The following BCAT1 variants were observed in gnomAD, a reference collection of about 807,000 sequenced individuals.
BCAT1 encodes the protein branched-chain-amino-acid aminotransferase, cytosolic.
BCAT1 carries 48 observed loss-of-function variants against 52.4 expected under a neutral mutation model. That is an observed-to-expected ratio of 0.92 (90% CI 0.73 to 1.16). BCAT1 has a LOEUF of 1.16. Among genes scored for constraint, BCAT1 ranks in the 50% most tolerant of loss-of-function variants. The pLI is 0.00. For missense variants in BCAT1, 451 were observed against 457.1 expected, an observed-to-expected ratio of 0.99 and a Z score of 0.12; for synonymous variants, 167 against 161.3, an observed-to-expected ratio of 1.04 and a Z score of -0.27.
Position 24,814,181 on chromosome 12 carries a change from C to T in BCAT1, c.*3827G>A, listed in dbSNP as rs537007802. ...CGTATAACTGAAGTTTTTGCATATC[C>T]GCATAAGAAGAAATCCACATTACAA... On this transcript the variant is annotated 3_prime_UTR_variant, in exon 11 of 11. Coordinates refer to ENST00000261192, the MANE Select transcript of BCAT1 (RefSeq NM_005504.7). The T allele has an allele frequency of 8.6e-5, 13 of 151,988 alleles. No homozygotes were observed. Among genetic ancestry groups the T allele is most frequent in the East Asian group, 1.9e-4 (1 of 5,194 alleles). The allele number at this position is 151,988 out of a possible 1,614,324, so 9.4% of individuals were successfully genotyped here.
Position 24,815,574 on chromosome 12 carries a change from A to C in BCAT1, c.*2434T>G, listed in dbSNP as rs896630191. On this transcript the variant is annotated 3_prime_UTR_variant, in exon 11 of 11. Transcript: ENST00000261192. The stretch of plus-strand genomic sequence containing the variant: ...AACAAATAGTGCACAAGGAAAAAAG[A>C]TGTGCAGATGTTCCTGTTAAATCTA... 4 of 152,474 alleles carry C rather than the reference A, an allele frequency of 2.6e-5. No homozygotes were observed. The highest frequency in any genetic ancestry group is 5.9e-5 in the Non-Finnish European group (4 of 68,026). The allele number at this position is 152,474 out of a possible 1,614,324, so 9.4% of individuals were successfully genotyped here. A position where few individuals can be genotyped will look rare whatever the true frequency, so the allele number is the denominator to read the frequency against.
intron 7 of BCAT1, among the ~76,000 whole-genome samples, chr12:24,837,175 T>C (rs576803958): frequency 1.5e-4 from 17 of 111,514 alleles, no homozygotes; most frequent in Admixed American, 1.3e-3. Flanking sequence ...CAGTTTACCC[T>C]TAACCAGTAA....
At chr12:24,832,606 A>G (rs1940718057) in intron 9 of BCAT1, 117 bp downstream of exon 9, 1 of 1,242,342 alleles carries the variant, frequency 8.0e-7, no homozygotes, top group South Asian at 1.7e-5. Context: ...AACAACAACA[A>G]CGACAAAACT....
intron 1 of BCAT1, among the ~76,000 whole-genome samples, chr12:24,938,287 C>A (rs949619731): frequency 3.9e-5 from 6 of 152,182 alleles, no homozygotes; most frequent in Non-Finnish European, 8.8e-5. Context: ...AGAAAATGAG[C>A]AGCTTCCACT....
chr12:24,821,604 T>C (rs1474545534), intron 10 of BCAT1, among the ~76,000 whole-genome samples: 4 of 152,228 alleles, frequency 2.6e-5, no homozygotes, highest in African/African-American at 9.6e-5. Flanking sequence ...ATACATGTTT[T>C]GCTCTTTAGT....
At chr12:24,897,714 C>T (rs754915429) in intron 2 of BCAT1, among the ~76,000 whole-genome samples, 13 of 152,214 alleles carry the variant, frequency 8.5e-5, no homozygotes, top group East Asian at 1.9e-4. Context: ...CCACAACACC[C>T]GGCTAAGTTT....
chr12:24,943,050 G>A (rs1943871526), intron 1 of BCAT1, among the ~76,000 whole-genome samples: 1 of 152,158 alleles, frequency 6.6e-6, no homozygotes, highest in African/African-American at 2.4e-5. Flanking sequence ...CCACTGCTCT[G>A]AATAACTAAA....
chr12:24,907,365 T>C (rs1483594978), intron 1 of BCAT1, among the ~76,000 whole-genome samples: 1 of 152,260 alleles, frequency 6.6e-6, no homozygotes, highest in Admixed American at 6.5e-5. Context: ...TGATTAATGC[T>C]CTTCTAATTT....
intron 9 of BCAT1, 95 bp downstream of exon 9, chr12:24,832,628 G>A (rs1186686923): frequency 2.2e-6 from 3 of 1,358,986 alleles, no homozygotes; most frequent in Admixed American, 2.8e-5. Flanking sequence ...TTGCATCTTG[G>A]GTCTGGGTCC....
At chr12:24,841,555 A>T (rs1941172453) in intron 7 of BCAT1, among the ~76,000 whole-genome samples, 1 of 152,148 alleles carries the variant, frequency 6.6e-6, no homozygotes, top group Non-Finnish European at 1.5e-5. Flanking sequence ...TAATCAGTAC[A>T]TCTAGAGCCA....
At chr12:24,855,525 C>T (rs35277052) in intron 5 of BCAT1, among the ~76,000 whole-genome samples, 1 of 152,088 alleles carries the variant, frequency 6.6e-6, no homozygotes, top group South Asian at 2.1e-4. Flanking sequence ...GGATTACAGG[C>T]GTGCACCACC....
chr12:24,836,349 C>A (rs549847132), intron 8 of BCAT1, 162 bp downstream of exon 8: 32 of 647,286 alleles, frequency 4.9e-5, no homozygotes, highest in Middle Eastern at 3.9e-4. Context: ...ATAGTCTTGC[C>A]AAGAAAGCCC....
chr12:24,870,374 C>T (rs1197649256), intron 5 of BCAT1, among the ~76,000 whole-genome samples: 2 of 151,984 alleles, frequency 1.3e-5, no homozygotes, highest in Non-Finnish European at 2.9e-5. Context: ...GCTGATAGCT[C>T]AGAAAAGAAA....
intron 1 of BCAT1, among the ~76,000 whole-genome samples, chr12:24,944,653 G>A (rs913853831): frequency 1.3e-5 from 2 of 151,718 alleles, no homozygotes; most frequent in African/African-American, 2.4e-5. Context: ...GGGATAAACC[G>A]TAAATGCAAT....
intron 3 of BCAT1, among the ~76,000 whole-genome samples, chr12:24,890,125 T>C (rs2139637456): frequency 2.6e-5 from 4 of 152,226 alleles, no homozygotes; most frequent in Middle Eastern, 3.4e-3. Flanking sequence ...TGTGAGCTGC[T>C]CCAGTAAATT....
intron 6 of BCAT1, among the ~76,000 whole-genome samples, chr12:24,842,720 A>G (rs1218742469): frequency 6.6e-6 from 1 of 152,188 alleles, no homozygotes; most frequent in Non-Finnish European, 1.5e-5. Flanking sequence ...TAATGTATCC[A>G]AGGAATACAT....
Position 24,878,587 on chromosome 12 carries a change from C to G in BCAT1, c.453G>C (p.Trp151Cys). 1 of 1,610,794 alleles carries G rather than the reference C, an allele frequency of 6.2e-7. No individual in the cohort carries two copies. Among genetic ancestry groups the G allele is most frequent in the Non-Finnish European group, 8.5e-7 (1 of 1,177,418 alleles). Residue 151 changes from tryptophan (W) to cysteine (C), a missense_variant, in exon 5 of 11, where the codon TGG becomes TGC. Physicochemically the swap from Trp to Cys is radical, Grantham distance 215 (BLOSUM62 -2). Coordinates refer to ENST00000261192, the MANE Select transcript of BCAT1 (RefSeq NM_005504.7). ...GACTAGCAGATGTTGAATATGGGACCCATTCTTGATCCAATTTCACAAGCT... is the reference window on the plus strand; with the variant it reads ...GACTAGCAGATGTTGAATATGGGACGCATTCTTGATCCAATTTCACAAGCT... ...IQQLVKLDQE[W>C]VPYSTSASLY...
rs1943918455 is a variant in BCAT1, at chr12:24,945,253, T to A, written c.6+3674A>T. Among the ~76,000 whole-genome samples the A allele has an allele frequency of 2.0e-5, 3 of 152,194 alleles. No individual in the cohort carries two copies. The South Asian group carries it at 6.2e-4, about 31-fold the overall frequency. On this transcript the variant is annotated intron_variant, in intron 1 of 10. Transcript: ENST00000261192. The stretch of plus-strand genomic sequence containing the variant: ...GTCTTATGATGAAACTGTTTACCAA[T>A]ATTTGCAAAGTCATGTTTATGAATA...
chr12:24,929,053 T>C (rs1943640428), intron 1 of BCAT1, among the ~76,000 whole-genome samples: 1 of 152,016 alleles, frequency 6.6e-6, no homozygotes, highest in South Asian at 2.1e-4. Flanking sequence ...GAACCACCGC[T>C]CCCAGCCCGT....
Sources: allele counts gnomAD v4.1 joint callset (sites outside exome capture counted in the v4.1 genomes callset), GRCh38; gene constraint gnomAD v4.1.1; transcripts MANE v1.5; gene names NCBI Gene and HGNC (gene_info 2026-07-23, HGNC 2026-07-21).